SREBF1: variants seen among roughly 807,000 people sequenced by gnomAD.
The protein encoded by SREBF1 is sterol regulatory element binding transcription factor 1.
In SREBF1, 45 loss-of-function variants were observed where a neutral mutation model predicts 100.1. The ratio of observed to expected loss-of-function variants is 0.45; its 90% CI spans 0.35 to 0.58. The LOEUF (loss-of-function observed/expected upper bound fraction) is 0.58. Among genes scored for constraint, SREBF1 ranks in the 20% least tolerant of loss-of-function variants. The pLI is 0.00. For synonymous variants in SREBF1, 657 were observed against 681.8 expected (o/e 0.96, Z 0.57); for missense variants, 1,324 against 1,539.4 (o/e 0.86, Z 2.34).
In SREBF1 at chr17:17,814,666, T is replaced by C. The variant is rs909070855; in HGVS notation, c.2684A>G (p.Glu895Gly). 1.7e-5 allele frequency: 27 copies of C among 1,569,660 alleles called. No homozygotes were observed. The highest frequency in any genetic ancestry group is 2.2e-5 in the Non-Finnish European group (25 of 1,162,030). ...GTGCTCCACCAGCGGGCACAGCCGCTCAGCCGCCTCCTCATCCCGCCGCAG... is the reference window on the plus strand; with the variant it reads ...GTGCTCCACCAGCGGGCACAGCCGCCCAGCCGCCTCCTCATCCCGCCGCAG... Reference protein sequence around the residue: ...HWLRRDEEAAERLCPLVEHLP... With the variant: ...HWLRRDEEAAGRLCPLVEHLP... The change falls in exon 15 of 19, where the codon GAG becomes GGG. Residue 895 changes from glutamate (E) to glycine (G), a missense_variant. Coordinates refer to ENST00000261646, the MANE Select transcript of SREBF1 (RefSeq NM_004176.5).
At position 17,817,073 on chromosome 17, in the gene SREBF1, A is replaced by G; in HGVS notation, c.1670T>C (p.Val557Ala). Reference sequence around the variant, plus strand: ...AAAGAGAAGCACCAAGGAGACGAGCACCAACAGCCCATTGAGCAGCCAGAC... The same window carrying G: ...AAAGAGAAGCACCAAGGAGACGAGCGCCAACAGCCCATTGAGCAGCCAGAC... ...PVVWLLNGLL[V>A]LVSLVLLFVY... The change falls in exon 9 of 19, where the codon GTG becomes GCG. Residue 557 changes from valine (V) to alanine (A), a missense_variant. Transcript: ENST00000261646. This position sits in a 1 kb window ranked among gnomAD's most constrained non-coding sequence, Gnocchi z 6.6. The G allele has an allele frequency of 1.9e-6, 3 of 1,613,152 alleles. No homozygotes were observed. The highest frequency in any genetic ancestry group is 1.6e-4 in the Middle Eastern group (1 of 6,062).
chr17:17,812,993 C>T, intron 18 of SREBF1, 142 bp from the exon 19 acceptor site: 1 of 718,936 alleles, frequency 1.4e-6, no homozygotes, highest in South Asian at 1.9e-5. Context: ...TTCCCCTCTC[C>T]CCACCCTAGT....
chr17:17,813,663 C>T lies in SREBF1; in HGVS notation c.3008G>A (p.Arg1003Lys), dbSNP rs922207024. 10 of 1,555,096 alleles carry T rather than the reference C, an allele frequency of 6.4e-6. No homozygotes were observed. Among genetic ancestry groups the T allele is most frequent in the Non-Finnish European group, 7.8e-6 (9 of 1,157,270 alleles). ...CAGCTCAAGGGCGGAAGCCTGGGGCCTGCTGCTGGTGCCCTGGGCTGCTGG... is the reference window on the plus strand; with the variant it reads ...CAGCTCAAGGGCGGAAGCCTGGGGCTTGCTGCTGGTGCCCTGGGCTGCTGG... ...PAPAAQGTSS[R>K]PQASALELRG... is the part of the protein sequence containing the mutation. The change falls in exon 17 of 19, where the codon AGG becomes AAG. Residue 1003 changes from arginine (R) to lysine (K), a missense_variant. Coordinates refer to ENST00000261646, the MANE Select transcript of SREBF1 (RefSeq NM_004176.5).
At chr17:17,825,795 T>C (rs1024959392) in intron 1 of SREBF1, among the ~76,000 whole-genome samples, 3 of 152,060 alleles carry the variant, frequency 2.0e-5, no homozygotes, top group Non-Finnish European at 2.9e-5. Flanking sequence ...TTTGTATTTT[T>C]AGTAGAGACA....
chr17:17,816,197 A>ACCCCCCCCCCCCCCCCCCCCCCCC lies in SREBF1; in HGVS notation c.2214+9_2214+10insGGGGGGGGGGGGGGGGGGGGGGGG. ...GCAGGGATAAGCCCCCAGCCCCCCA[A>ACCCCCCCCCCCCCCCCCCCCCCCC]CCCACTCACTGTCAGAAAATGCAAG... On this transcript the variant is annotated intron_variant, in intron 11 of 18. Coordinates refer to ENST00000261646, the MANE Select transcript of SREBF1 (RefSeq NM_004176.5). 8.8e-7 allele frequency: 1 copy of ACCCCCCCCCCCCCCCCCCCCCCCC among 1,137,400 alleles called. No individual in the cohort carries two copies. Among genetic ancestry groups the ACCCCCCCCCCCCCCCCCCCCCCCC allele is most frequent in the Non-Finnish European group, 1.1e-6 (1 of 876,032 alleles). The allele number at this position is 1,137,400 out of a possible 1,614,324, so 70.5% of individuals were successfully genotyped here.
chr17:17,834,970 C>T (rs779000803), intron 1 of SREBF1, among the ~76,000 whole-genome samples: 15 of 151,986 alleles, frequency 9.9e-5, no homozygotes, highest in Non-Finnish European at 1.6e-4. Flanking sequence ...GCCAAAATTG[C>T]GCCACTGCAG....
chr17:17,814,475 C>A (rs1225200452), intron 15 of SREBF1, 65 bp from the exon 16 acceptor site: 9 of 1,543,572 alleles, frequency 5.8e-6, no homozygotes, highest in East Asian at 2.4e-5. Context: ...GAGTGCCCCC[C>A]ACTTCCCTGG....
Position 17,816,472 on chromosome 17 carries a change from G to A in SREBF1, c.2032C>T (p.Gln678Ter). 6.2e-7 allele frequency: 1 copy of A among 1,606,258 alleles called. No homozygotes were observed. The change falls in exon 10 of 19, where the codon CAG (glutamine) becomes TAG (stop). Residue 678 changes from glutamine to a stop codon, truncating the protein, a stop_gained. Transcript: ENST00000261646. LOFTEE classifies it high-confidence loss of function. ...DAALVYHKLH[Q>*]LHTMGKHTGG... ...TCAGTCCTACCCATGGTGTGCAGCT[G>A]GTGCAGCTTATGGTAGACCAGGGCT...
At position 17,819,182 on chromosome 17, in the gene SREBF1, G is replaced by A. The variant is rs143522203; in HGVS notation, c.899C>T (p.Ala300Val). 1.7e-5 allele frequency: 28 copies of A among 1,614,158 alleles called. No individual in the cohort carries two copies. The highest frequency in any genetic ancestry group is 8.8e-5 in the South Asian group (8 of 91,086). ...ILATVPLVVD[A>V]EKLPINRLAA... Reference sequence around the variant, plus strand: ...GAGCCGGTTGATAGGCAGCTTCTCCGCATCTACGACCAGTGGGACTGTTGC... The same window carrying A: ...GAGCCGGTTGATAGGCAGCTTCTCCACATCTACGACCAGTGGGACTGTTGC... Residue 300 changes from alanine to valine, a missense_variant, in exon 5 of 19, where the codon GCG becomes GTG. Coordinates refer to ENST00000261646, the MANE Select transcript of SREBF1 (RefSeq NM_004176.5).
intron 11 of SREBF1, 55 bp downstream of exon 11, chr17:17,816,152 G>C (rs1467477023): frequency 1.2e-6 from 1 of 858,426 alleles, no homozygotes; most frequent in African/African-American, 4.7e-5. Context: ...CTCTTACCCA[G>C]GGAGCCTCTG....
intron 1 of SREBF1, among the ~76,000 whole-genome samples, chr17:17,833,450 A>AAATATAT (rs1567995797): frequency 2.1e-5 from 1 of 47,530 alleles, no homozygotes; most frequent in African/African-American, 9.3e-5. Context: ...AAAAAAAAAA[A>AAATATAT]ATATATATAT....
At position 17,819,592 on chromosome 17, in the gene SREBF1, G is replaced by A. The variant is rs750856545; in HGVS notation, c.657C>T (p.Ala219=). ...VPQQLLTVTA[A]PTAAPVTTTV... ...TGGTCGTTACAGGGGCTGCCGTGGG[G>A]GCAGCTGTGACTGTCAGTAGCTGCT... The change falls in exon 3 of 19, where the codon GCC becomes GCT. Residue 219 remains alanine (A), a synonymous_variant. Coordinates refer to ENST00000261646, the MANE Select transcript of SREBF1 (RefSeq NM_004176.5). The A allele has an allele frequency of 1.9e-6, 3 of 1,613,684 alleles. No homozygotes were observed. In the African/African-American group the frequency reaches 4.0e-5, roughly 22 times the overall value.
intron 1 of SREBF1, among the ~76,000 whole-genome samples, chr17:17,822,754 G>A (rs2034189703): frequency 6.6e-6 from 1 of 152,252 alleles, no homozygotes; most frequent in Non-Finnish European, 1.5e-5. Context: ...CAACAGAAAA[G>A]ACTAAACCCC....
At chr17:17,823,630 T>C (rs1266424756) in intron 1 of SREBF1, 10 of 1,598,648 alleles carry the variant, frequency 6.3e-6, no homozygotes, top group East Asian at 2.2e-5. Context: ...GGCGGATTTT[T>C]GAAGCCGTTG....
chr17:17,817,673 G>T lies in SREBF1; in HGVS notation c.1404+23C>A, dbSNP rs2033742399. 1 of 1,612,058 alleles carries T rather than the reference G, an allele frequency of 6.2e-7. No homozygotes were observed. The stretch of plus-strand genomic sequence containing the variant: ...GAGGATATGGCTGGGAGTGGGGAAG[G>T]GGGCACCGTGGCAGGGCCCAACCTT... On this transcript the variant is annotated intron_variant, in intron 7 of 18. Transcript: ENST00000261646. This position sits in a 1 kb window ranked among gnomAD's most constrained non-coding sequence, Gnocchi z 6.6.
rs778690686 is a variant in SREBF1, at chr17:17,816,259, G to A, written c.2162C>T (p.Ala721Val). Reference protein sequence around the residue: ...SVATLAEIYVAAALRVKTSLP... With the variant: ...SVATLAEIYVVAALRVKTSLP... Reference sequence around the variant, plus strand: ...ACTGGTCTTCACTCTCAATGCAGCCGCCACATAGATCTCGGCCAGCGTCGC... The same window carrying A: ...ACTGGTCTTCACTCTCAATGCAGCCACCACATAGATCTCGGCCAGCGTCGC... The change falls in exon 11 of 19, where the codon GCG becomes GTG. Residue 721 changes from alanine (A) to valine (V), a missense_variant. Physicochemically the swap from Ala to Val is moderately conservative, Grantham distance 64. Coordinates refer to ENST00000261646, the MANE Select transcript of SREBF1 (RefSeq NM_004176.5). 60 of 1,366,028 alleles carry A rather than the reference G, an allele frequency of 4.4e-5. No homozygotes were observed. The highest frequency in any genetic ancestry group is 7.3e-5 in the South Asian group (6 of 81,786). 84.6% of individuals were successfully genotyped at this position (1,366,028 alleles called of 1,614,324 possible). A position where few individuals can be genotyped will look rare whatever the true frequency, so the allele number is the denominator to read the frequency against.
Position 17,811,618 on chromosome 17 carries a change from G to C in SREBF1, c.*1004C>G. The C allele has an allele frequency of 2.3e-6, 1 of 428,758 alleles. No homozygotes were observed. Among genetic ancestry groups the C allele is most frequent in the Non-Finnish European group, 4.6e-6 (1 of 217,576 alleles). The allele number at this position is 428,758 out of a possible 1,614,324, so 26.6% of individuals were successfully genotyped here. A position where few individuals can be genotyped will look rare whatever the true frequency, so the allele number is the denominator to read the frequency against. On this transcript the variant is annotated 3_prime_UTR_variant, in exon 19 of 19. Coordinates refer to ENST00000261646, the MANE Select transcript of SREBF1 (RefSeq NM_004176.5). ...CCCCCGCCCCTGTGCCCCCTCTCCA[G>C]TGTGGCGGCAGGTCGGGAGGGAGGA... is the stretch of plus-strand genomic sequence containing the variant.
intron 1 of SREBF1, among the ~76,000 whole-genome samples, chr17:17,833,031 TG>T (rs1381446242): frequency 6.6e-6 from 1 of 151,560 alleles, no homozygotes; most frequent in Non-Finnish European, 1.5e-5. Flanking sequence ...GGGAATCAGG[TG>T]GGTAATAAGA....
intron 1 of SREBF1, among the ~76,000 whole-genome samples, chr17:17,829,916 A>G (rs1464505856): frequency 6.6e-6 from 1 of 152,180 alleles, no homozygotes; most frequent in East Asian, 1.9e-4. Context: ...CTGGGATTAC[A>G]GGCGTGAGCC....
Sources: gnomAD v4.1 joint callset for allele counts (sites outside exome capture counted in the v4.1 genomes callset) on GRCh38, gnomAD v4.1.1 for gene constraint, Gnocchi (gnomAD v3.1) non-coding constraint, MANE v1.5 for transcripts, NCBI Gene and HGNC (gene_info 2026-07-23, HGNC 2026-07-21) for gene names.